BCAR3: variants seen among roughly 807,000 people sequenced by gnomAD.
BCAR3 encodes the protein BCAR3 adaptor protein, NSP family member, also known as breast cancer anti-estrogen resistance protein 3.
Under a neutral mutation model 80.1 loss-of-function variants are expected in BCAR3, and 37 were observed. The ratio of observed to expected loss-of-function variants is 0.46; its 90% CI spans 0.36 to 0.61. The LOEUF (loss-of-function observed/expected upper bound fraction) is 0.61. Ranked by LOEUF, BCAR3 falls within the 20% of genes least tolerant of loss-of-function variation. The pLI is 0.00. For missense variants in BCAR3, 978 were observed against 1,068.2 expected (o/e 0.92, Z 1.18); for synonymous variants, 389 against 418.9 (o/e 0.93, Z 0.87).
chr1:93,756,775 C>T (rs545880790), intron 2 of BCAR3, among the ~76,000 whole-genome samples: 1 of 152,180 alleles, frequency 6.6e-6, no homozygotes, highest in Non-Finnish European at 1.5e-5. Context: ...CAGGTGCAGC[C>T]TCTGGGAAGG....
chr1:93,565,075 TAACC>T (rs1281806272), intron 11 of BCAR3, among the ~76,000 whole-genome samples: 1 of 151,830 alleles, frequency 6.6e-6, no homozygotes, highest in African/African-American at 2.4e-5. Context: ...CCTTGGTGGA[TAACC>T]AACCAAAGGC....
Position 93,818,185 on chromosome 1 carries a change from G to A in BCAR3, c.-63+27382C>T, listed in dbSNP as rs1654085261. On this transcript the variant is annotated intron_variant, in intron 2 of 13. Transcript: ENST00000370244. ...GTGTCTCCTTTTGTACTTTGTGACA[G>A]TTTTCTTAACACGTACATCAGTGCT... Among the ~76,000 whole-genome samples the A allele has an allele frequency of 2.0e-5, 3 of 152,318 alleles. No individual in the cohort carries two copies. The South Asian group carries it at 6.2e-4, about 32-fold the overall frequency.
chr1:93,761,955 G>A (rs1400447660), intron 2 of BCAR3, among the ~76,000 whole-genome samples: 1 of 152,090 alleles, frequency 6.6e-6, no homozygotes, highest in African/African-American at 2.4e-5. Context: ...GGCTCTCAGG[G>A]TTTATGATAA....
At chr1:93,701,752 G>A (rs1649652647) in intron 3 of BCAR3, among the ~76,000 whole-genome samples, 1 of 152,212 alleles carries the variant, frequency 6.6e-6, no homozygotes, top group South Asian at 2.1e-4. Context: ...GTATCTACAG[G>A]CCTTGTGGGA....
chr1:93,754,443 T>A (rs968669806), intron 2 of BCAR3: 2 of 152,212 alleles, frequency 1.3e-5, no homozygotes, highest in Admixed American at 1.3e-4. Flanking sequence ...CACTTCATCT[T>A]TTTGGAGAGC....
intron 2 of BCAR3, among the ~76,000 whole-genome samples, chr1:93,828,141 TA>T (rs1201996672): frequency 1.3e-5 from 2 of 151,094 alleles, no homozygotes; most frequent in South Asian, 2.1e-4. Context: ...CTACAAACAA[TA>T]AAAAAAAATT....
At chr1:93,801,982 G>A (rs555471398) in intron 2 of BCAR3, among the ~76,000 whole-genome samples, 2 of 152,198 alleles carry the variant, frequency 1.3e-5, no homozygotes, top group South Asian at 4.2e-4. Flanking sequence ...GCTGGGTGTG[G>A]CAGCACGTGC....
chr1:93,605,503 T>A (rs1674747895), intron 3 of BCAR3: 1 of 152,242 alleles, frequency 6.6e-6, no homozygotes, highest in African/African-American at 2.4e-5. Context: ...TTTCTTAACA[T>A]CTTTAAAGAA....
intron 2 of BCAR3, among the ~76,000 whole-genome samples, chr1:93,749,321 G>A (rs576341356): frequency 1.1e-3 from 168 of 152,130 alleles, no homozygotes; most frequent in Non-Finnish European, 1.7e-3. Context: ...GGCCGAGGTG[G>A]ATCACGCCTG....
At chr1:93,669,357 C>T (rs1262917781) in intron 2 of BCAR3, among the ~76,000 whole-genome samples, 2 of 152,120 alleles carry the variant, frequency 1.3e-5, no homozygotes, top group Admixed American at 6.5e-5. Flanking sequence ...AGATTCTGGA[C>T]CTTACATCTT....
intron 10 of BCAR3, 97 bp from the exon 11 acceptor site, chr1:93,567,588 C>T: frequency 5.5e-6 from 8 of 1,448,294 alleles, no homozygotes; most frequent in Non-Finnish European, 7.6e-6. Flanking sequence ...ACAGCAACTG[C>T]AGCCTTCTAC....
At chr1:93,826,625 T>C (rs1654382657) in intron 2 of BCAR3, among the ~76,000 whole-genome samples, 1 of 152,216 alleles carries the variant, frequency 6.6e-6, no homozygotes, top group South Asian at 2.1e-4. Context: ...GGAGAAGACT[T>C]AAAAAGCAGT....
intron 2 of BCAR3, among the ~76,000 whole-genome samples, chr1:93,799,882 A>G (rs1358126433): frequency 6.6e-6 from 1 of 152,236 alleles, no homozygotes; most frequent in Non-Finnish European, 1.5e-5. Flanking sequence ...GTATGCTAAT[A>G]AACAAAAAGC....
intron 5 of BCAR3, 56 bp downstream of exon 5, chr1:93,588,921 C>A: frequency 6.8e-7 from 1 of 1,477,826 alleles, no homozygotes; most frequent in East Asian, 2.3e-5. Flanking sequence ...ACCTGCCTAA[C>A]TAACCTTGGG....
chr1:93,674,421 A>C (rs1178178899), intron 2 of BCAR3, among the ~76,000 whole-genome samples, 193 bp downstream of exon 2: 1 of 152,070 alleles, frequency 6.6e-6, no homozygotes. Flanking sequence ...ATGCCCAGCT[A>C]ATTTTTGTAT....
chr1:93,834,419 T>C (rs983368749), intron 2 of BCAR3, among the ~76,000 whole-genome samples: 1 of 152,078 alleles, frequency 6.6e-6, no homozygotes, highest in African/African-American at 2.4e-5. Context: ...TCCTAAATCC[T>C]TTCCCCACTC....
At chr1:93,579,754 G>A (rs1362535426) in intron 7 of BCAR3, among the ~76,000 whole-genome samples, 1 of 152,198 alleles carries the variant, frequency 6.6e-6, no homozygotes, top group Non-Finnish European at 1.5e-5. Flanking sequence ...ACCCAGGCCT[G>A]TTTCTACGAG....
chr1:93,677,829 G>A (rs1648564014), intron 1 of BCAR3, among the ~76,000 whole-genome samples: 1 of 152,190 alleles, frequency 6.6e-6, no homozygotes, highest in African/African-American at 2.4e-5. Context: ...ACAATTAGAA[G>A]TGAGGGCAGA....
intron 9 of BCAR3, among the ~76,000 whole-genome samples, chr1:93,568,913 C>G (rs932356675): frequency 6.6e-6 from 1 of 152,180 alleles, no homozygotes; most frequent in African/African-American, 2.4e-5. Flanking sequence ...GCCTCAACCT[C>G]CCAGGCTCAG....
Sources: allele counts gnomAD v4.1 joint callset (sites outside exome capture counted in the v4.1 genomes callset), GRCh38; gene constraint gnomAD v4.1.1; transcripts MANE v1.5; gene names NCBI Gene and HGNC (gene_info 2026-07-23, HGNC 2026-07-21).